RPRD1B: variants seen among roughly 807,000 people sequenced by gnomAD.
The protein encoded by RPRD1B is regulation of nuclear pre-mRNA domain containing 1B.
Under a neutral mutation model 41.5 loss-of-function variants are expected in RPRD1B, and 11 were observed. The observed-to-expected ratio is 0.27, with a 90% CI of 0.17 to 0.44. The LOEUF (loss-of-function observed/expected upper bound fraction) is 0.44. Ranked by LOEUF, RPRD1B falls within the 20% of genes least tolerant of loss-of-function variation. The pLI is 1.00. For synonymous variants in RPRD1B, 158 were observed against 155.6 expected (o/e 1.02, Z -0.12); for missense variants, 248 against 389.9 (o/e 0.64, Z 3.06).
chr20:38,078,851 A>T (rs779053949), intron 6 of RPRD1B, among the ~76,000 whole-genome samples: 1 of 152,194 alleles, frequency 6.6e-6, no homozygotes, highest in Non-Finnish European at 1.5e-5. Context: ...AAGGAAAAAG[A>T]GGTGCCCTCG....
At chr20:38,078,804 ATT>A (rs199762397) in intron 6 of RPRD1B, among the ~76,000 whole-genome samples, 5 of 151,564 alleles carry the variant, frequency 3.3e-5, no homozygotes, top group African/African-American at 9.7e-5. Flanking sequence ...AAATTCTGTG[ATT>A]TTTTTTTGTT....
intron 6 of RPRD1B, among the ~76,000 whole-genome samples, chr20:38,073,534 A>T (rs2074431396): frequency 6.6e-6 from 1 of 152,200 alleles, no homozygotes. Context: ...CTTTGGCTAC[A>T]GTTGAAGGGG....
rs576866088 is a variant in RPRD1B, at chr20:38,041,173, T to C, written c.281+609T>C. 1.3e-5 allele frequency among the ~76,000 whole-genome samples: 2 copies of C among 152,310 alleles called. 1 individual carries two copies. The highest frequency in any genetic ancestry group is 4.1e-4 in the South Asian group (2 of 4,828). ...TGGATTAAAAGTTTTATAAATTACT[T>C]TACTTCATGTAAAAACAAAAGCTTT... On this transcript the variant is annotated intron_variant, in intron 2 of 6. Transcript: ENST00000373433.
rs1197444884 is a variant in RPRD1B at position 38,089,763 on chromosome 20, G to A, written c.869G>A (p.Arg290His). Residue 290 changes from arginine (R) to histidine (H), a missense_variant, in exon 7 of 7, where the codon CGC becomes CAC. Coordinates refer to ENST00000373433, the MANE Select transcript of RPRD1B (RefSeq NM_021215.4). ...AAGCTTGCACGAGTAACCCAGGTCC[G>A]CAAGGAACTGAAATCCCATATTCAG... is the stretch of plus-strand genomic sequence containing the variant. ...KQKLARVTQVRKELKSHIQSL... is the reference protein window; with the variant it reads ...KQKLARVTQVHKELKSHIQSL... 10 of 1,613,984 alleles carry A rather than the reference G, an allele frequency of 6.2e-6. No homozygotes were observed. The highest frequency in any genetic ancestry group is 2.2e-5 in the East Asian group (1 of 44,882).
At chr20:38,056,750 G>A (rs544003119) in intron 3 of RPRD1B, among the ~76,000 whole-genome samples, 1 of 152,328 alleles carries the variant, frequency 6.6e-6, no homozygotes, top group South Asian at 2.1e-4. Flanking sequence ...GGAAACTATT[G>A]CAATGCCAGG....
intron 6 of RPRD1B, among the ~76,000 whole-genome samples, chr20:38,069,445 G>A (rs2074390273): frequency 6.6e-6 from 1 of 152,238 alleles, no homozygotes; most frequent in African/African-American, 2.4e-5. Context: ...GGAACTAGCA[G>A]TTGAAGAAGA....
At chr20:38,056,109 AG>A (rs1272995151) in intron 3 of RPRD1B, among the ~76,000 whole-genome samples, 1 of 152,188 alleles carries the variant, frequency 6.6e-6, no homozygotes, top group Non-Finnish European at 1.5e-5. Context: ...AAACTTGGCC[AG>A]GCGTGATGGC....
chr20:38,034,066 T>C lies in RPRD1B; in HGVS notation c.119T>C (p.Ile40Thr), dbSNP rs2122678355. 1 of 1,614,062 alleles carries C rather than the reference T, an allele frequency of 6.2e-7. No individual in the cohort carries two copies. The highest frequency in any genetic ancestry group is 1.7e-5 in the Admixed American group (1 of 60,020). Residue 40 changes from isoleucine to threonine, a missense_variant, in exon 1 of 7, where the codon ATC (isoleucine) becomes ACC (threonine). By Grantham distance (89) the Ile-to-Thr change is moderately conservative. Transcript: ENST00000373433. ...CACCACCGCAAGCACGCGGGACCCA[T>C]CGTCTCCGTGTGGCACCGCGAGCTC... The part of the protein sequence containing the change: ...LIHHRKHAGP[I>T]VSVWHRELRK...
At chr20:38,059,329 T>C in intron 4 of RPRD1B, 65 bp from the exon 5 acceptor site, 3 of 1,503,124 alleles carry the variant, frequency 2.0e-6, no homozygotes, top group Non-Finnish European at 2.7e-6. Flanking sequence ...CTCATTTAAC[T>C]CCAACTAATT....
chr20:38,089,648 T>C, intron 6 of RPRD1B, 78 bp from the exon 7 acceptor site: 1 of 1,184,738 alleles, frequency 8.4e-7, no homozygotes, highest in South Asian at 1.3e-5. Context: ...AGGACGAGAG[T>C]AGCTGCCCGG....
At chr20:38,054,311 G>A (rs2074218579) in intron 3 of RPRD1B, among the ~76,000 whole-genome samples, 1 of 152,208 alleles carries the variant, frequency 6.6e-6, no homozygotes, top group Non-Finnish European at 1.5e-5. Flanking sequence ...TGTAGCACCA[G>A]TAGGTCCTCC....
intron 3 of RPRD1B, among the ~76,000 whole-genome samples, chr20:38,056,141 CT>C (rs2074238302): frequency 2.0e-5 from 3 of 152,120 alleles, no homozygotes; most frequent in Non-Finnish European, 4.4e-5. Context: ...AATCCCAGGA[CT>C]TTGGGAGACC....
intron 6 of RPRD1B, chr20:38,070,686 A>G (rs1955770786): frequency 1.0e-6 from 1 of 984,686 alleles, no homozygotes; most frequent in Admixed American, 6.2e-5. Flanking sequence ...TTGTACAAGT[A>G]TTAAGGAAAG....
chr20:38,039,825 C>T (rs2074046454), intron 1 of RPRD1B, among the ~76,000 whole-genome samples: 1 of 151,594 alleles, frequency 6.6e-6, no homozygotes, highest in Admixed American at 6.6e-5. Context: ...CCTCCACCTC[C>T]TGGGTTCAAG....
chr20:38,085,883 A>C (rs2074556620), intron 6 of RPRD1B, among the ~76,000 whole-genome samples: 1 of 136,330 alleles, frequency 7.3e-6, no homozygotes, highest in Admixed American at 8.0e-5. Flanking sequence ...ACTCTCACCC[A>C]GGCTGGAGTG....
At position 38,059,539 on chromosome 20, in the gene RPRD1B, G is replaced by C. The variant is rs2074276117; in HGVS notation, c.655+19G>C. 1 of 1,612,506 alleles carries C rather than the reference G, an allele frequency of 6.2e-7. No homozygotes were observed. Among genetic ancestry groups the C allele is most frequent in the Non-Finnish European group, 8.5e-7 (1 of 1,179,116 alleles). The stretch of plus-strand genomic sequence containing the variant: ...ATAACAGGTGAGAAGGTAGAGTTTG[G>C]GTGAAAGGTGAGGAGAGAGGGACAT... On this transcript the variant is annotated intron_variant, in intron 5 of 6. Coordinates refer to ENST00000373433, the MANE Select transcript of RPRD1B (RefSeq NM_021215.4).
At chr20:38,074,266 T>A (rs958206238) in intron 6 of RPRD1B, among the ~76,000 whole-genome samples, 2 of 152,226 alleles carry the variant, frequency 1.3e-5, no homozygotes, top group African/African-American at 4.8e-5. Flanking sequence ...CTTGGATTTC[T>A]TTTATTCATT....
chr20:38,048,097 G>T (rs550338560), intron 2 of RPRD1B, among the ~76,000 whole-genome samples: 65 of 152,198 alleles, frequency 4.3e-4, no homozygotes, highest in Non-Finnish European at 5.9e-4. Flanking sequence ...ATAATTTTCT[G>T]TCTGTAAAAA....
At chr20:38,076,950 G>T (rs1347528289) in intron 6 of RPRD1B, among the ~76,000 whole-genome samples, 1 of 96,422 alleles carries the variant, frequency 1.0e-5, no homozygotes, top group Non-Finnish European at 1.9e-5. Flanking sequence ...ATGGAGTCTC[G>T]CTGTTGCCCA....
Sources: gnomAD v4.1 joint callset for allele counts (sites outside exome capture counted in the v4.1 genomes callset) on GRCh38, gnomAD v4.1.1 for gene constraint, MANE v1.5 for transcripts, NCBI Gene and HGNC (gene_info 2026-07-23, HGNC 2026-07-21) for gene names.